The following PLPP1 variants were observed in gnomAD, a reference collection of about 807,000 sequenced individuals.
PLPP1 encodes the protein lipid phosphate phosphohydrolase 1a.
A neutral mutation model predicts 31.2 loss-of-function variants in PLPP1; 24 were observed. The ratio of observed to expected loss-of-function variants is 0.77; its 90% CI spans 0.56 to 1.08. The LOEUF (loss-of-function observed/expected upper bound fraction) is 1.08. Among genes scored for constraint, PLPP1 ranks in the 50% least tolerant of loss-of-function variants. PLPP1 has a pLI of 0.00. For missense variants in PLPP1, 319 were observed against 342.7 expected (o/e 0.93, Z 0.55); for synonymous variants, 146 against 126.3 (o/e 1.16, Z -1.05).
intron 1 of PLPP1, among the ~76,000 whole-genome samples, chr5:55,503,729 AGGT>A (rs1225611158): frequency 1.4e-5 from 2 of 144,732 alleles, no homozygotes; most frequent in Admixed American, 7.0e-5. Context: ...CAGTGAGCAG[AGGT>A]CGTGCCACTG....
chr5:55,459,488 T>C (rs1263922144), intron 3 of PLPP1, among the ~76,000 whole-genome samples: 2 of 152,162 alleles, frequency 1.3e-5, no homozygotes, highest in Non-Finnish European at 1.5e-5. Context: ...AAACACATGC[T>C]CTTCAAGTGC....
intron 1 of PLPP1, among the ~76,000 whole-genome samples, chr5:55,492,657 CA>C (rs1752919713): frequency 6.6e-6 from 1 of 152,146 alleles, no homozygotes; most frequent in Non-Finnish European, 1.5e-5. Flanking sequence ...AGGGAATGAG[CA>C]AGAAGTTTTC....
At chr5:55,486,050 C>T (rs56359932) in intron 1 of PLPP1, among the ~76,000 whole-genome samples, 1 of 152,166 alleles carries the variant, frequency 6.6e-6, no homozygotes, top group African/African-American at 2.4e-5. Context: ...TATGAGAACA[C>T]CTGTTTTCTA....
chr5:55,457,763 C>T (rs1262957789), intron 3 of PLPP1, among the ~76,000 whole-genome samples: 1 of 151,986 alleles, frequency 6.6e-6, no homozygotes, highest in Non-Finnish European at 1.5e-5. Flanking sequence ...GTGGCGGGCG[C>T]CTGTAGTCCC....
chr5:55,527,107 G>A (rs907263573), intron 1 of PLPP1, among the ~76,000 whole-genome samples: 2 of 152,038 alleles, frequency 1.3e-5, no homozygotes, highest in African/African-American at 2.4e-5. Flanking sequence ...TAAATGTTAC[G>A]AGAAAAGGGA....
At chr5:55,509,731 AT>A (rs1167108076) in intron 1 of PLPP1, among the ~76,000 whole-genome samples, 1 of 152,200 alleles carries the variant, frequency 6.6e-6, no homozygotes, top group Non-Finnish European at 1.5e-5. Context: ...GGACTCTCAC[AT>A]TTCCACACAA....
chr5:55,485,968 C>G (rs1327791660), intron 1 of PLPP1, among the ~76,000 whole-genome samples: 3 of 152,014 alleles, frequency 2.0e-5, no homozygotes, highest in Admixed American at 6.6e-5. Flanking sequence ...AGGATAAATT[C>G]CTTCCAGTAT....
intron 3 of PLPP1, among the ~76,000 whole-genome samples, chr5:55,450,665 T>C (rs1465842655): frequency 6.6e-6 from 1 of 152,124 alleles, no homozygotes; most frequent in African/African-American, 2.4e-5. Context: ...TTTCCTTGGT[T>C]ATTAAGGAAA....
chr5:55,435,818 C>T (rs1289180919), intron 4 of PLPP1, among the ~76,000 whole-genome samples: 5 of 152,048 alleles, frequency 3.3e-5, no homozygotes, highest in East Asian at 1.9e-4. Context: ...ATGGCAACCC[C>T]GACGCCTCAG....
chr5:55,446,495 A>G (rs1011090781), intron 3 of PLPP1, among the ~76,000 whole-genome samples: 2 of 152,164 alleles, frequency 1.3e-5, no homozygotes, highest in African/African-American at 4.8e-5. Context: ...TAATTCTAAT[A>G]TCTGTAATCT....
chr5:55,529,830 A>C (rs2111959414), intron 1 of PLPP1, among the ~76,000 whole-genome samples: 1 of 152,282 alleles, frequency 6.6e-6, no homozygotes, highest in Middle Eastern at 3.4e-3. Flanking sequence ...AAATGGGAGG[A>C]ATGTACCAAA....
intron 3 of PLPP1, among the ~76,000 whole-genome samples, chr5:55,447,674 T>C (rs940313253): frequency 4.6e-5 from 7 of 152,240 alleles, no homozygotes; most frequent in Non-Finnish European, 1.0e-4. Context: ...AGAGGAACTT[T>C]AATCCTGCCA....
At chr5:55,440,693 A>G (rs1751602579) in intron 4 of PLPP1, among the ~76,000 whole-genome samples, 1 of 152,268 alleles carries the variant, frequency 6.6e-6, no homozygotes, top group Admixed American at 6.5e-5. Flanking sequence ...TATATAACAC[A>G]TCTACAATTT....
At chr5:55,475,917 C>T (rs1752539065) in intron 1 of PLPP1, among the ~76,000 whole-genome samples, 1 of 151,572 alleles carries the variant, frequency 6.6e-6, no homozygotes. Context: ...TTTATCCACT[C>T]ATTTCTGTAT....
chr5:55,526,071 TTC>T (rs908586831), intron 1 of PLPP1, among the ~76,000 whole-genome samples: 12 of 151,942 alleles, frequency 7.9e-5, no homozygotes, highest in African/African-American at 2.2e-4. Context: ...TGCTGCCAAC[TTC>T]TTTTTTTAAA....
chr5:55,530,602 T>A lies in PLPP1; in HGVS notation c.58+3970A>T, dbSNP rs928962085. The A allele has an allele frequency of 1.1e-5, 15 of 1,421,724 alleles. No individual in the cohort carries two copies. In the South Asian group the frequency reaches 1.1e-4, roughly 11 times the overall value. The allele number at this position is 1,421,724 out of a possible 1,614,324, so 88.1% of individuals were successfully genotyped here. A position where few individuals can be genotyped will look rare whatever the true frequency, so the allele number is the denominator to read the frequency against. On this transcript the variant is annotated intron_variant, in intron 1 of 5. Coordinates refer to ENST00000307259, the MANE Select transcript of PLPP1 (RefSeq NM_003711.4). ...TTACAAGATTTGCAATGAAGTCTCATGCGATAGAATTTAATCTGTTTTGCA... is the reference window on the plus strand; with the variant it reads ...TTACAAGATTTGCAATGAAGTCTCAAGCGATAGAATTTAATCTGTTTTGCA...
Position 55,425,156 on chromosome 5 carries a change from C to A in PLPP1, c.*50G>T. 9 of 1,580,648 alleles carry A rather than the reference C, an allele frequency of 5.7e-6. No individual in the cohort carries two copies. Among genetic ancestry groups the A allele is most frequent in the Non-Finnish European group, 7.7e-6 (9 of 1,166,214 alleles). On this transcript the variant is annotated 3_prime_UTR_variant, in exon 6 of 6. Coordinates refer to ENST00000307259, the MANE Select transcript of PLPP1 (RefSeq NM_003711.4). ...ATGCATCCTCTTGCCTTGTGGCAAT[C>A]ATTTTCCTTTAGAAAACAGGCCAGC...
intron 1 of PLPP1, among the ~76,000 whole-genome samples, chr5:55,477,396 C>CTTTTTT (rs3070044): frequency 7.5e-6 from 1 of 133,324 alleles, no homozygotes; most frequent in Non-Finnish European, 1.5e-5. Flanking sequence ...TTTTTCTTTT[C>CTTTTTT]TTTTTTTTTT....
chr5:55,435,433 C>T (rs569936626), intron 4 of PLPP1, among the ~76,000 whole-genome samples: 39 of 152,252 alleles, frequency 2.6e-4, no homozygotes, highest in South Asian at 6.2e-4. Context: ...AGAATGGATG[C>T]GGAAGAATCT....
Sources: gnomAD v4.1 joint callset for allele counts (sites outside exome capture counted in the v4.1 genomes callset) on GRCh38, gnomAD v4.1.1 for gene constraint, MANE v1.5 for transcripts, NCBI Gene and HGNC (gene_info 2026-07-23, HGNC 2026-07-21) for gene names.